CNTN1: variants seen among roughly 807,000 people sequenced by gnomAD.
CNTN1 encodes the protein contactin 1.
A neutral mutation model predicts 126.4 loss-of-function variants in CNTN1; 38 were observed. The observed-to-expected ratio is 0.30, with a 90% CI of 0.23 to 0.39. The LOEUF (loss-of-function observed/expected upper bound fraction) is 0.39, where lower values mean the gene tolerates loss of function less well. Ranked by LOEUF, CNTN1 falls within the 10% of genes least tolerant of loss-of-function variation. The pLI is 1.00. For synonymous variants in CNTN1, 413 were observed against 422.6 expected (o/e 0.98, Z 0.28); for missense variants, 1,009 against 1,248.4 (o/e 0.81, Z 2.89).
At chr12:40,825,363 CAGTT>C (rs1316480946) in intron 1 of CNTN1, among the ~76,000 whole-genome samples, 1 of 151,930 alleles carries the variant, frequency 6.6e-6, no homozygotes, top group African/African-American at 2.4e-5. Flanking sequence ...TGACAGTAGT[CAGTT>C]AGACATCTTA....
intron 1 of CNTN1, among the ~76,000 whole-genome samples, chr12:40,771,514 G>T (rs1939335821): frequency 6.6e-6 from 1 of 152,044 alleles, no homozygotes; most frequent in Non-Finnish European, 1.5e-5. Flanking sequence ...TATTTAGACA[G>T]CCCAGACAGA....
At chr12:40,763,923 A>G (rs1938969354) in intron 1 of CNTN1, among the ~76,000 whole-genome samples, 1 of 152,028 alleles carries the variant, frequency 6.6e-6, no homozygotes, top group African/African-American at 2.4e-5. Context: ...CTCATTAGGG[A>G]CTCAATATCT....
intron 1 of CNTN1, among the ~76,000 whole-genome samples, chr12:40,819,384 C>G (rs932908): frequency 0.63 from 95,881 of 151,898 alleles, 30,548 homozygotes; most frequent in East Asian, 0.77. Context: ...TCTGGCTGGA[C>G]TTATTGGAAA....
At chr12:40,865,544 C>T (rs895869869) in intron 1 of CNTN1, among the ~76,000 whole-genome samples, 2 of 151,982 alleles carry the variant, frequency 1.3e-5, no homozygotes, top group African/African-American at 4.8e-5. Flanking sequence ...GGGGTCCAAA[C>T]TTATTTTTTT....
chr12:40,897,410 C>T (rs1187246040), intron 1 of CNTN1, among the ~76,000 whole-genome samples: 1 of 151,890 alleles, frequency 6.6e-6, no homozygotes, highest in East Asian at 1.9e-4. Context: ...CTAACTGGGG[C>T]TTGTATGAAG....
chr12:40,899,174 T>G (rs536988966), intron 1 of CNTN1, among the ~76,000 whole-genome samples: 10 of 152,372 alleles, frequency 6.6e-5, no homozygotes, highest in Admixed American at 2.0e-4. Flanking sequence ...CATTCTATCC[T>G]GCTGACATAG....
rs534352376 is a variant in CNTN1, at chr12:40,975,327, A to C, written c.1805-5582A>C. 2.6e-5 allele frequency among the ~76,000 whole-genome samples: 4 copies of C among 151,644 alleles called. No homozygotes were observed. In the South Asian group the frequency reaches 8.4e-4, roughly 32 times the overall value. ...TAATTGTAAAAATGTTGAAAACATA[A>C]ATTTAGAGAAAGAGAGTAGGGGTGT... is the stretch of plus-strand genomic sequence containing the variant. On this transcript the variant is annotated intron_variant, in intron 15 of 23. Coordinates refer to ENST00000551295, the MANE Select transcript of CNTN1 (RefSeq NM_001843.4).
At chr12:41,057,347 C>T (rs1949849316) in intron 23 of CNTN1, among the ~76,000 whole-genome samples, 1 of 150,874 alleles carries the variant, frequency 6.6e-6, no homozygotes, top group Admixed American at 6.7e-5. Flanking sequence ...TAAAATAGAC[C>T]ATGATCACTA....
At chr12:41,064,600 G>C (rs1408757731) in intron 23 of CNTN1, among the ~76,000 whole-genome samples, 2 of 152,112 alleles carry the variant, frequency 1.3e-5, no homozygotes, top group Non-Finnish European at 2.9e-5. Flanking sequence ...ATGTTCCATG[G>C]GGTGATAGAG....
chr12:40,782,001 TA>T (rs1226134191), intron 1 of CNTN1, among the ~76,000 whole-genome samples: 1 of 151,996 alleles, frequency 6.6e-6, no homozygotes. Flanking sequence ...AGAGAATAAA[TA>T]TTTTTAGAAT....
chr12:40,949,418 A>ACCCCC (rs538536696), intron 14 of CNTN1, among the ~76,000 whole-genome samples: 2 of 83,098 alleles, frequency 2.4e-5, no homozygotes, highest in African/African-American at 4.7e-5. Flanking sequence ...TGCTATCCCT[A>ACCCCC]CCCCCCCTCC....
chr12:40,971,632 G>A (rs981547276), intron 15 of CNTN1: 2 of 1,485,562 alleles, frequency 1.3e-6, no homozygotes, highest in Non-Finnish European at 8.8e-7. Context: ...AGTTCTTAGA[G>A]TATGTTTCCC....
chr12:40,737,359 G>GTATATATATATATATATATATA (rs57273919), intron 1 of CNTN1, among the ~76,000 whole-genome samples: 2 of 113,246 alleles, frequency 1.8e-5, no homozygotes, highest in African/African-American at 3.4e-5. Flanking sequence ...ATGTGTGTGT[G>GTATATATATATATATATATATA]TATATATATA....
chr12:40,912,414 C>T (rs1945074376), intron 3 of CNTN1, among the ~76,000 whole-genome samples: 1 of 150,108 alleles, frequency 6.7e-6, no homozygotes, highest in Non-Finnish European at 1.5e-5. Context: ...AAAAAAAAAA[C>T]CTGCAGCTAT....
chr12:40,971,643 C>G (rs748424307), intron 15 of CNTN1: 4 of 1,475,704 alleles, frequency 2.7e-6, no homozygotes, highest in Non-Finnish European at 3.6e-6. Context: ...TATGTTTCCC[C>G]TTTTGAAACA....
At chr12:40,864,099 C>A (rs1342899070) in intron 1 of CNTN1, among the ~76,000 whole-genome samples, 2 of 145,570 alleles carry the variant, frequency 1.4e-5, no homozygotes, top group Non-Finnish European at 3.0e-5. Flanking sequence ...TGGCTCACTG[C>A]AACCTCTGCC....
intron 17 of CNTN1, among the ~76,000 whole-genome samples, chr12:41,006,947 T>G (rs1431024282): frequency 6.6e-6 from 1 of 150,800 alleles, no homozygotes; most frequent in East Asian, 2.0e-4. Flanking sequence ...TCCAATAAGG[T>G]ACAGTGCTTA....
intron 1 of CNTN1, among the ~76,000 whole-genome samples, chr12:40,760,938 G>A (rs889454514): frequency 3.3e-5 from 5 of 151,756 alleles, no homozygotes; most frequent in Admixed American, 2.0e-4. Context: ...TATATGATAT[G>A]CTCCAGAACA....
intron 1 of CNTN1, among the ~76,000 whole-genome samples, chr12:40,881,371 ATGAC>A (rs1943864440): frequency 6.6e-6 from 1 of 151,822 alleles, no homozygotes; most frequent in African/African-American, 2.4e-5. Flanking sequence ...TTTTTGAAGA[ATGAC>A]CTGGTAGAGC....
Sources: allele counts gnomAD v4.1 joint callset (sites outside exome capture counted in the v4.1 genomes callset), GRCh38; gene constraint gnomAD v4.1.1; transcripts MANE v1.5; gene names NCBI Gene and HGNC (gene_info 2026-07-23, HGNC 2026-07-21).